INTS1: variants seen among roughly 807,000 people sequenced by gnomAD.
The protein encoded by INTS1 is integrator complex subunit 1.
In INTS1, 137 loss-of-function variants were observed where a neutral mutation model predicts 241.6. That is an observed-to-expected ratio of 0.57 (90% CI 0.49 to 0.65). INTS1 has a LOEUF of 0.65. INTS1 is among the 30% of genes least tolerant of loss of function. The pLI is 0.00. For synonymous variants in INTS1, 1,692 were observed against 1,337.8 expected, an observed-to-expected ratio of 1.26 and a Z score of -5.78; for missense variants, 3,073 against 3,032.2, an observed-to-expected ratio of 1.01 and a Z score of -0.32.
intron 12 of INTS1, 46 bp downstream of exon 12, chr7:1,496,110 C>A: frequency 2.0e-6 from 3 of 1,504,480 alleles, no homozygotes; most frequent in Non-Finnish European, 2.8e-6. Context: ...CCAGCCTGGA[C>A]CCGAGACCCC....
At chr7:1,492,642 G>A (rs774765715) in intron 16 of INTS1, among the ~76,000 whole-genome samples, 6 of 152,106 alleles carry the variant, frequency 3.9e-5, no homozygotes, top group Non-Finnish European at 5.9e-5. Context: ...AAAAAATAAC[G>A]CACACACGTT....
At chr7:1,501,813 G>A (rs1783194555) in intron 3 of INTS1, among the ~76,000 whole-genome samples, 1 of 152,162 alleles carries the variant, frequency 6.6e-6, no homozygotes, top group Non-Finnish European at 1.5e-5. Context: ...ACTGAGTCCA[G>A]CACAAACACT....
chr7:1,498,538 C>A lies in INTS1; in HGVS notation c.1299G>T (p.Ala433=), dbSNP rs143126716. 57 of 1,613,748 alleles carry A rather than the reference C, an allele frequency of 3.5e-5. No homozygotes were observed. The East Asian group carries it at 1.2e-3, about 35-fold the overall frequency. The change falls in exon 10 of 48, where the codon GCG becomes GCT. Residue 433 remains alanine (A), a synonymous_variant. Coordinates refer to ENST00000404767, the MANE Select transcript of INTS1 (RefSeq NM_001080453.3). ...TGGTGGTGCCCAGGTTGTCCTTGTGCGCGCTCAGCAGCTCCCTGGGTGAGG... is the reference window on the plus strand; with the variant it reads ...TGGTGGTGCCCAGGTTGTCCTTGTGAGCGCTCAGCAGCTCCCTGGGTGAGG... The part of the protein sequence containing the change: ...FMLCIRELLS[A]HKDNLGTTIK...
Position 1,479,584 on chromosome 7 carries a change from A to G in INTS1, c.4175T>C (p.Val1392Ala). ...QALGQELARV[V>A]QGSPEVPGIT... ...GCCCGGCACCTCGGGGCTGCCCTGG[A>G]CGACGCGGGCCAGCTCCTGGCCCAG... Residue 1392 changes from valine (V) to alanine (A), a missense_variant, in exon 31 of 48, where the codon GTC becomes GCC. Physicochemically the swap from Val to Ala is moderately conservative, Grantham distance 64. Transcript: ENST00000404767. The G allele has an allele frequency of 6.5e-7, 1 of 1,543,160 alleles. No individual in the cohort carries two copies. The highest frequency in any genetic ancestry group is 8.7e-7 in the Non-Finnish European group (1 of 1,144,890).
In INTS1 at chr7:1,500,040, G is replaced by A; in HGVS notation, c.547-19C>T. 6.2e-7 allele frequency: 1 copy of A among 1,611,252 alleles called. No homozygotes were observed. Among genetic ancestry groups the A allele is most frequent in the Non-Finnish European group, 8.5e-7 (1 of 1,178,670 alleles). On this transcript the variant is annotated intron_variant, in intron 4 of 47. Coordinates refer to ENST00000404767, the MANE Select transcript of INTS1 (RefSeq NM_001080453.3). Reference sequence around the variant, plus strand: ...ACAGAGCCTGCCAGGGAGGGCGCATGTCACGTGGGAGCTTCGCTGGCCCCA... The same window carrying A: ...ACAGAGCCTGCCAGGGAGGGCGCATATCACGTGGGAGCTTCGCTGGCCCCA...
chr7:1,498,765 G>C lies in INTS1; in HGVS notation c.1225C>G (p.Leu409Val). 1 of 1,583,710 alleles carries C rather than the reference G, an allele frequency of 6.3e-7. No individual in the cohort carries two copies. Among genetic ancestry groups the C allele is most frequent in the Non-Finnish European group, 8.6e-7 (1 of 1,165,200 alleles). ...GSEDMDVISH[L>V]IKIRLKPKVL... ...TTGGGCTTGAGGCGGATCTTGATCA[G>C]GTGTGAGATGACGTCCATGTCTTCG... is the stretch of plus-strand genomic sequence containing the variant. Residue 409 changes from leucine to valine, a missense_variant, in exon 9 of 48, where the codon CTG becomes GTG. By Grantham distance (32) the Leu-to-Val change is conservative (BLOSUM62 1). Transcript: ENST00000404767.
chr7:1,498,329 G>A (rs757760729), intron 10 of INTS1, 83 bp downstream of exon 10: 30 of 1,555,684 alleles, frequency 1.9e-5, no homozygotes, highest in Admixed American at 5.6e-5. Flanking sequence ...CCAATCCACC[G>A]GCCTCCCCAG....
In INTS1 at chr7:1,486,685, C is replaced by T. The variant is rs371447759; in HGVS notation, c.2916G>A (p.Leu972=). 31 of 1,612,548 alleles carry T rather than the reference C, an allele frequency of 1.9e-5. No homozygotes were observed. The African/African-American group carries it at 2.7e-4, about 14-fold the overall frequency. Residue 972 remains leucine (L), a synonymous_variant, in exon 22 of 48, where the codon CTG becomes CTA. Coordinates refer to ENST00000404767, the MANE Select transcript of INTS1 (RefSeq NM_001080453.3). ...KADEQTTCEV[L]DYFLRRLGSS... is the part of the protein sequence containing the mutation. ...AGCCGAGGCGCCGCAAGAAGTAGTC[C>T]AGCACCTCACACGTGGTCTGCTCAT...
rs1203718336 is a variant in INTS1 at position 1,492,798 on chromosome 7, T to C, written c.2165+212A>G. ...CTCACTGGTCTCTGGGAACAGGCCATGAGCAGGCCCATGGGGAGTGGGGCG... is the reference window on the plus strand; with the variant it reads ...CTCACTGGTCTCTGGGAACAGGCCACGAGCAGGCCCATGGGGAGTGGGGCG... On this transcript the variant is annotated intron_variant, in intron 16 of 47. Transcript: ENST00000404767. Among the ~76,000 whole-genome samples, 5 of 151,520 alleles carry C rather than the reference T, an allele frequency of 3.3e-5. No individual in the cohort carries two copies. In the South Asian group the frequency reaches 6.2e-4, roughly 19 times the overall value.
chr7:1,499,421 C>T, intron 6 of INTS1, 52 bp downstream of exon 6: 2 of 1,556,440 alleles, frequency 1.3e-6, no homozygotes, highest in Non-Finnish European at 1.7e-6. Context: ...CCCACCCCTC[C>T]CCTGCCCTGG....
At chr7:1,495,677 T>C in intron 12 of INTS1, 124 bp from the exon 13 acceptor site, 1 of 1,262,768 alleles carries the variant, frequency 7.9e-7, no homozygotes, top group Non-Finnish European at 1.1e-6. Context: ...CCCCAGCTTC[T>C]GGACGATTCC....
In INTS1 at chr7:1,495,414, T is replaced by TGCG; in HGVS notation, c.1832+18_1832+19insCGC. On this transcript the variant is annotated intron_variant, in intron 13 of 47. Transcript: ENST00000404767. ...TCAGTGGGGTGTGGGACAGGGGCTG[T>TGCG]ACAGGGCCCCAGCCGCACCAGTGCA... 1.9e-6 allele frequency: 3 copies of TGCG among 1,603,208 alleles called. No individual in the cohort carries two copies. In the Admixed American group the frequency reaches 5.0e-5, roughly 27 times the overall value.
At position 1,493,900 on chromosome 7, in the gene INTS1, C is replaced by T. The variant is rs1368556754; in HGVS notation, c.1922G>A (p.Arg641His). ...PPESDRNFFL[R>H]LCSEVPILED... is the part of the protein sequence containing the mutation. ...CAAAATGGGCACCTCGGAGCACAGA[C>T]GCAGGAAGAAGCTGCGGGGTGGGGG... The change falls in exon 15 of 48, where the codon CGT becomes CAT. Residue 641 changes from arginine to histidine, a missense_variant. Coordinates refer to ENST00000404767, the MANE Select transcript of INTS1 (RefSeq NM_001080453.3). The surrounding 1 kb of genome is among the most constrained non-coding windows in gnomAD (Gnocchi z 5.3). 5 of 1,561,624 alleles carry T rather than the reference C, an allele frequency of 3.2e-6. No individual in the cohort carries two copies. The highest frequency in any genetic ancestry group is 1.4e-5 in the African/African-American group (1 of 73,478).
intron 10 of INTS1, 147 bp downstream of exon 10, chr7:1,498,265 T>G (rs753207539): frequency 7.9e-7 from 1 of 1,260,310 alleles, no homozygotes; most frequent in Non-Finnish European, 1.1e-6. Context: ...CATGCCCACG[T>G]GAGTTTCAAA....
chr7:1,487,783 C>T lies in INTS1; in HGVS notation c.2493G>A (p.Ser831=), dbSNP rs372785733. 155 of 1,610,000 alleles carry T rather than the reference C, an allele frequency of 9.6e-5. No homozygotes were observed. Among genetic ancestry groups the T allele is most frequent in the Middle Eastern group, 5.0e-4 (3 of 6,060 alleles). ...TITESSSLLL[S]QLTSLDPQGP... is the part of the protein sequence containing the mutation. ...ACTGGGGGTCCAGGCTGGTGAGCTG[C>T]GACAGGAGGAGGCTGCTGCTCTCAG... The change falls in exon 19 of 48, where the codon TCG becomes TCA. Residue 831 remains serine (S), a synonymous_variant. Transcript: ENST00000404767.
Position 1,474,941 on chromosome 7 carries a change from C to T in INTS1, c.5503-103G>A, listed in dbSNP as rs551948401. 4.6e-5 allele frequency: 66 copies of T among 1,434,410 alleles called. No homozygotes were observed. The South Asian group carries it at 7.1e-4, about 15-fold the overall frequency. 88.9% of individuals were successfully genotyped at this position (1,434,410 alleles called of 1,614,324 possible). The stretch of plus-strand genomic sequence containing the variant: ...TGTGGCCGTGATCCACCGCGTGGCA[C>T]GCCATGAGCAGAGGAACTGGCTCCT... On this transcript the variant is annotated intron_variant, in intron 39 of 47. Transcript: ENST00000404767.
At position 1,480,358 on chromosome 7, in the gene INTS1, C is replaced by T. The variant is rs761857379; in HGVS notation, c.4033G>A (p.Val1345Met). ...GCCAGGTCGTCCTCAGGGCCCAGCACCCGGAGCTGGGTCCCCACCCGAATC... is the reference window on the plus strand; with the variant it reads ...GCCAGGTCGTCCTCAGGGCCCAGCATCCGGAGCTGGGTCCCCACCCGAATC... ...GRIRVGTQLR[V>M]LGPEDDLAGM... Residue 1345 changes from valine (V) to methionine (M), a missense_variant, in exon 30 of 48, where the codon GTG becomes ATG. Coordinates refer to ENST00000404767, the MANE Select transcript of INTS1 (RefSeq NM_001080453.3). 6.8e-6 allele frequency: 11 copies of T among 1,611,662 alleles called. No homozygotes were observed. In the African/African-American group the frequency reaches 9.3e-5, roughly 14 times the overall value.
chr7:1,500,074 G>A (rs2128544863), intron 4 of INTS1, 53 bp from the exon 5 acceptor site: 1 of 1,601,412 alleles, frequency 6.2e-7, no homozygotes. Context: ...CAGAGGCAAA[G>A]CTGGGGTGGG....
In INTS1 at chr7:1,477,736, GCAGCACCC is replaced by G; in HGVS notation, c.4814+9_4814+16del. On this transcript the variant is annotated intron_variant, in intron 34 of 47. Transcript: ENST00000404767. ...ACCCGCCTGCCCACCCTGGCCGTGT[GCAGCACCC>G]CAGCTCACCTGCCACCGTCCGCACC... 2 of 1,611,150 alleles carry G rather than the reference GCAGCACCC, an allele frequency of 1.2e-6. No individual in the cohort carries two copies. Among genetic ancestry groups the G allele is most frequent in the African/African-American group, 2.7e-5 (2 of 75,054 alleles).
Sources: gnomAD v4.1 joint callset for allele counts (sites outside exome capture counted in the v4.1 genomes callset) on GRCh38, gnomAD v4.1.1 for gene constraint, Gnocchi (gnomAD v3.1) non-coding constraint, MANE v1.5 for transcripts, NCBI Gene and HGNC (gene_info 2026-07-23, HGNC 2026-07-21) for gene names.